SDCCAG8: variants seen among roughly 807,000 people sequenced by gnomAD.
SDCCAG8 encodes the protein serologically defined colon cancer antigen 8.
A neutral mutation model predicts 101.8 loss-of-function variants in SDCCAG8; 74 were observed. The observed-to-expected ratio is 0.73, with a 90% CI of 0.60 to 0.88. The LOEUF (loss-of-function observed/expected upper bound fraction) is 0.88, where lower values mean the gene tolerates loss of function less well. Ranked by LOEUF, SDCCAG8 falls within the 40% of genes least tolerant of loss-of-function variation. The probability of loss-of-function intolerance (pLI) is 0.00; values close to 1 mark genes in which losing one functional copy is unlikely to be tolerated. For synonymous variants in SDCCAG8, 281 were observed against 292.9 expected (o/e 0.96, Z 0.41); for missense variants, 787 against 822.6 (o/e 0.96, Z 0.53).
chr1:243,438,516 T>TTGTGTG (rs147959124), intron 16 of SDCCAG8, among the ~76,000 whole-genome samples: 255 of 146,510 alleles, frequency 1.7e-3, no homozygotes, highest in African/African-American at 4.6e-3. Flanking sequence ...GTGGGAGTGA[T>TTGTGTG]TGTGTGTGTG....
At chr1:243,351,570 T>G (rs1180708954) in intron 12 of SDCCAG8, among the ~76,000 whole-genome samples, 1 of 152,244 alleles carries the variant, frequency 6.6e-6, no homozygotes, top group African/African-American at 2.4e-5. Context: ...GCATCTTCTC[T>G]AAGTATGCCC....
intron 16 of SDCCAG8, among the ~76,000 whole-genome samples, chr1:243,473,861 C>T (rs896704396): frequency 3.1e-5 from 4 of 129,616 alleles, no homozygotes; most frequent in Non-Finnish European, 6.2e-5. Flanking sequence ...GCTCCATTTT[C>T]CATGGCACTT....
intron 13 of SDCCAG8, among the ~76,000 whole-genome samples, chr1:243,409,142 G>C (rs1452143266): frequency 6.6e-6 from 1 of 152,080 alleles, no homozygotes; most frequent in Non-Finnish European, 1.5e-5. Context: ...AAAACTATAA[G>C]CAAATATTGA....
chr1:243,437,531 CTTTTTTTT>C (rs931257839), intron 16 of SDCCAG8, among the ~76,000 whole-genome samples: 2 of 129,588 alleles, frequency 1.5e-5, no homozygotes, highest in African/African-American at 2.9e-5. Context: ...TGGAGGAATT[CTTTTTTTT>C]TTTTTTTTTT....
At position 243,490,748 on chromosome 1, in the gene SDCCAG8, C is replaced by T. The variant is rs139438621; in HGVS notation, c.2112+1608C>T. Among the ~76,000 whole-genome samples the T allele has an allele frequency of 5.5e-3, 831 of 152,280 alleles. 9 individuals are homozygous for T. Among genetic ancestry groups the T allele is most frequent in the African/African-American group, 0.019 (789 of 41,564 alleles). ...TCTTCAGAGGGTCCTGGGAGAGGTT[C>T]AGGGAAGGCAGAGGCCTGCAGAGCA... On this transcript the variant is annotated intron_variant, in intron 17 of 17. Coordinates refer to ENST00000366541, the MANE Select transcript of SDCCAG8 (RefSeq NM_006642.5).
At chr1:243,319,360 ATTTTAT>A (rs940382989) in intron 9 of SDCCAG8, among the ~76,000 whole-genome samples, 3 of 151,948 alleles carry the variant, frequency 2.0e-5, no homozygotes, top group African/African-American at 4.8e-5. Flanking sequence ...GACCCTTTCT[ATTTTAT>A]TTTTATTTTT....
chr1:243,470,512 T>C (rs1417150081), intron 16 of SDCCAG8, among the ~76,000 whole-genome samples: 1 of 151,324 alleles, frequency 6.6e-6, no homozygotes, highest in Non-Finnish European at 1.5e-5. Context: ...TTGCAGCCTG[T>C]CTCACTGGGG....
At chr1:243,475,716 G>C (rs2994322) in intron 16 of SDCCAG8, among the ~76,000 whole-genome samples, 118,645 of 151,988 alleles carry the variant, frequency 0.78, 46,739 homozygotes, top group East Asian at 0.92. Flanking sequence ...CTGGCATATT[G>C]CAAAGCAATC....
chr1:243,445,350 C>G (rs1363429982), intron 16 of SDCCAG8, among the ~76,000 whole-genome samples: 1 of 152,164 alleles, frequency 6.6e-6, no homozygotes, highest in Non-Finnish European at 1.5e-5. Context: ...AGTAATGACT[C>G]GAATCCGTTT....
chr1:243,453,048 G>A (rs960640831), intron 16 of SDCCAG8, among the ~76,000 whole-genome samples: 1 of 152,226 alleles, frequency 6.6e-6, no homozygotes, highest in South Asian at 2.1e-4. Context: ...CTCAAAAAGT[G>A]TAGTGTTCTG....
chr1:243,353,391 T>C (rs866189256), intron 12 of SDCCAG8, among the ~76,000 whole-genome samples: 2 of 145,836 alleles, frequency 1.4e-5, no homozygotes, highest in Admixed American at 7.2e-5. Flanking sequence ...CTCGGGAGAC[T>C]GAGGCAGGAG....
At chr1:243,473,258 T>G (rs1436906448) in intron 16 of SDCCAG8, among the ~76,000 whole-genome samples, 1 of 152,224 alleles carries the variant, frequency 6.6e-6, no homozygotes, top group Non-Finnish European at 1.5e-5. Flanking sequence ...TTTCCTAACA[T>G]TCTTAATTAA....
At chr1:243,468,643 T>C (rs1027138225) in intron 16 of SDCCAG8, among the ~76,000 whole-genome samples, 2 of 152,210 alleles carry the variant, frequency 1.3e-5, no homozygotes, top group African/African-American at 4.8e-5. Flanking sequence ...GCTGTGATCA[T>C]GCCAGTGCAC....
At chr1:243,301,479 T>C (rs2071497908) in intron 6 of SDCCAG8, among the ~76,000 whole-genome samples, 2 of 152,184 alleles carry the variant, frequency 1.3e-5, no homozygotes, top group African/African-American at 2.4e-5. Flanking sequence ...TTCATGACAT[T>C]ACAGGAAAAA....
intron 13 of SDCCAG8, among the ~76,000 whole-genome samples, chr1:243,402,290 C>T (rs1431725397): frequency 4.0e-5 from 6 of 151,536 alleles, no homozygotes; most frequent in African/African-American, 1.5e-4. Context: ...ATTAGCCAGG[C>T]ATGATGGCGC....
chr1:243,454,932 G>A (rs913796080), intron 16 of SDCCAG8, among the ~76,000 whole-genome samples: 7 of 152,000 alleles, frequency 4.6e-5, no homozygotes, highest in East Asian at 3.9e-4. Flanking sequence ...TCCCAGATAC[G>A]GTGGAAATAA....
intron 16 of SDCCAG8, among the ~76,000 whole-genome samples, chr1:243,441,294 G>T (rs1016603724): frequency 6.6e-6 from 1 of 152,204 alleles, no homozygotes; most frequent in African/African-American, 2.4e-5. Flanking sequence ...GGGTACAGGG[G>T]ATGGATGGGT....
chr1:243,267,909 C>G (rs189124713), intron 1 of SDCCAG8: 124 of 1,004,596 alleles, frequency 1.2e-4, no homozygotes, highest in Admixed American at 2.4e-4. Flanking sequence ...TTGGTATCAA[C>G]GAGGATGTGG....
intron 16 of SDCCAG8, among the ~76,000 whole-genome samples, chr1:243,454,567 G>T (rs978975542): frequency 6.6e-6 from 1 of 152,140 alleles, no homozygotes; most frequent in Non-Finnish European, 1.5e-5. Context: ...GGAAGAGGTC[G>T]CCGTTTTTGA....
Sources: allele counts gnomAD v4.1 joint callset (sites outside exome capture counted in the v4.1 genomes callset), GRCh38; gene constraint gnomAD v4.1.1; transcripts MANE v1.5; gene names NCBI Gene and HGNC (gene_info 2026-07-23, HGNC 2026-07-21).